The following KCNT2 variants were observed in gnomAD, a reference collection of about 807,000 sequenced individuals.
The protein encoded by KCNT2 is potassium channel subfamily T member 2.
KCNT2 carries 67 observed loss-of-function variants against 153.8 expected under a neutral mutation model. The ratio of observed to expected loss-of-function variants is 0.44; its 90% CI spans 0.36 to 0.53. The LOEUF is 0.53. Ranked by LOEUF, KCNT2 falls within the 20% of genes least tolerant of loss-of-function variation. The pLI, the probability that KCNT2 is intolerant of heterozygous loss-of-function variation, is 0.00. For synonymous variants in KCNT2, 500 were observed against 458.8 expected (o/e 1.09, Z -1.15); for missense variants, 975 against 1,354.8 (o/e 0.72, Z 4.40).
chr1:196,291,676 A>C (rs1660197741), intron 22 of KCNT2, among the ~76,000 whole-genome samples: 1 of 152,174 alleles, frequency 6.6e-6, no homozygotes, highest in East Asian at 1.9e-4. Context: ...ATTAGTCCAA[A>C]TCTGAACTAC....
At chr1:196,424,905 C>T (rs184940184) in intron 11 of KCNT2, among the ~76,000 whole-genome samples, 1 of 151,240 alleles carries the variant, frequency 6.6e-6, no homozygotes, top group Non-Finnish European at 1.5e-5. Flanking sequence ...CACTTGCACA[C>T]ACAGTGAAGA....
intron 21 of KCNT2, among the ~76,000 whole-genome samples, chr1:196,314,268 CTT>C: frequency 6.6e-6 from 1 of 151,496 alleles, no homozygotes. Context: ...CTAGGATCCT[CTT>C]TTATATAATT....
Position 196,435,133 on chromosome 1 carries a change from GTGTATGTATATATA to G in KCNT2, c.639-5390_639-5377del, listed in dbSNP as rs1249239578. Among the ~76,000 whole-genome samples, 13 of 87,886 alleles carry G rather than the reference GTGTATGTATATATA, an allele frequency of 1.5e-4. 1 individual carries two copies. Among genetic ancestry groups the G allele is most frequent in the African/African-American group, 5.3e-4 (13 of 24,380 alleles). 57.7% of individuals were successfully genotyped at this position (87,886 alleles called of 152,430 possible). A position where few individuals can be genotyped will look rare whatever the true frequency, so the allele number is the denominator to read the frequency against. On this transcript the variant is annotated intron_variant, in intron 8 of 27. Transcript: ENST00000294725. ...TAGCAATAGATACTTATGTGTGTGT[GTGTATGTATATATA>G]TATATATATATATATATATATATAT...
At chr1:196,265,048 T>C (rs1360367563) in intron 25 of KCNT2, among the ~76,000 whole-genome samples, 1 of 152,124 alleles carries the variant, frequency 6.6e-6, no homozygotes, top group Non-Finnish European at 1.5e-5. Context: ...GAAAGCCTCA[T>C]TATATGAGTT....
intron 14 of KCNT2, among the ~76,000 whole-genome samples, chr1:196,362,452 A>G (rs1259438113): frequency 6.6e-6 from 1 of 152,082 alleles, no homozygotes; most frequent in Non-Finnish European, 1.5e-5. Context: ...ATCTGAGTTC[A>G]TTAGCCTAAT....
At chr1:196,357,153 T>C (rs1389008126) in intron 14 of KCNT2, among the ~76,000 whole-genome samples, 2 of 151,920 alleles carry the variant, frequency 1.3e-5, no homozygotes, top group Non-Finnish European at 1.5e-5. Context: ...GTGTTTTGTT[T>C]ATTAGCTATA....
At position 196,608,234 on chromosome 1, in the gene KCNT2, C is replaced by T. The variant is rs865823739; in HGVS notation, c.76G>A (p.Gly26Arg). ...ACTCACCTGTCGTCGTTTTGCCATC[C>T]TTGGTCCCCTAGCAGCAAATCTCGA... is the stretch of plus-strand genomic sequence containing the variant. ...RFRDLLLGDQ[G>R]WQNDDRVQVE... The change falls in exon 1 of 28, where the codon GGA becomes AGA. Residue 26 changes from glycine (G) to arginine (R), a missense_variant. Gly to Arg is a moderately radical substitution (Grantham distance 125, BLOSUM62 -2). Around this residue, in one of 6 missense-constraint regions of KCNT2, gnomAD observed 140 missense variants for 216.0 expected, o/e 0.65. Transcript: ENST00000294725. The T allele has an allele frequency of 6.2e-7, 1 of 1,614,074 alleles. No homozygotes were observed. Among genetic ancestry groups the T allele is most frequent in the African/African-American group, 1.3e-5 (1 of 75,024 alleles).
rs1662359122 is a variant in KCNT2, at chr1:196,313,167, G to T, written c.2483+2725C>A. On this transcript the variant is annotated intron_variant, in intron 21 of 27. Coordinates refer to ENST00000294725, the MANE Select transcript of KCNT2 (RefSeq NM_198503.5). ...GGGAAAAAGCCCTCAGGTGACTAGGGTAAGTAAAAAGGTAGTAGGATCGGT... is the reference window on the plus strand; with the variant it reads ...GGGAAAAAGCCCTCAGGTGACTAGGTTAAGTAAAAAGGTAGTAGGATCGGT... Among the ~76,000 whole-genome samples the T allele has an allele frequency of 2.0e-5, 3 of 151,636 alleles. No homozygotes were observed. In the South Asian group the frequency reaches 6.2e-4, roughly 31 times the overall value.
intron 1 of KCNT2, among the ~76,000 whole-genome samples, chr1:196,513,126 T>G (rs1324955905): frequency 6.6e-6 from 1 of 152,216 alleles, no homozygotes; most frequent in Admixed American, 6.5e-5. Context: ...GAATTAGTTT[T>G]AAGTCACAGT....
chr1:196,591,349 G>A (rs1663343154), intron 1 of KCNT2, among the ~76,000 whole-genome samples: 1 of 152,072 alleles, frequency 6.6e-6, no homozygotes, highest in Admixed American at 6.5e-5. Flanking sequence ...TGCTTGCACA[G>A]CCTGAAGAAC....
At chr1:196,288,148 T>TA (rs889049591) in intron 22 of KCNT2, among the ~76,000 whole-genome samples, 1 of 151,194 alleles carries the variant, frequency 6.6e-6, no homozygotes, top group Admixed American at 6.6e-5. Context: ...AAATAAAAAA[T>TA]AAAAAAATAA....
chr1:196,573,917 A>G (rs1214974407), intron 1 of KCNT2, among the ~76,000 whole-genome samples: 2 of 151,950 alleles, frequency 1.3e-5, no homozygotes, highest in African/African-American at 4.8e-5. Flanking sequence ...TAATTAACTT[A>G]TAATAGTGTC....
At position 196,226,337 on chromosome 1, in the gene KCNT2, C is replaced by T. The variant is rs1488904755; in HGVS notation, c.*1887G>A. On this transcript the variant is annotated 3_prime_UTR_variant, in exon 28 of 28. Coordinates refer to ENST00000294725, the MANE Select transcript of KCNT2 (RefSeq NM_198503.5). ...CAAGTTCATAAAATTTATTGTTTTT[C>T]TCTGTTACATATATTAGTTCCATTC... 1 of 151,916 alleles carries T rather than the reference C, an allele frequency of 6.6e-6. No homozygotes were observed. The highest frequency in any genetic ancestry group is 1.9e-4 in the East Asian group (1 of 5,196). The allele number at this position is 151,916 out of a possible 1,614,324, so 9.4% of individuals were successfully genotyped here.
intron 25 of KCNT2, among the ~76,000 whole-genome samples, chr1:196,264,685 G>T (rs146944708): frequency 2.0e-5 from 3 of 151,442 alleles, no homozygotes; most frequent in Admixed American, 6.6e-5. Flanking sequence ...TAGGCTGGAG[G>T]GCAGTGGCAG....
intron 8 of KCNT2, among the ~76,000 whole-genome samples, chr1:196,436,392 CACAG>C (rs931906021): frequency 1.3e-5 from 2 of 151,042 alleles, no homozygotes; most frequent in Non-Finnish European, 3.0e-5. Flanking sequence ...CAGGTAGATA[CACAG>C]ACAGTTGATT....
At chr1:196,561,878 A>C (rs957818666) in intron 1 of KCNT2, among the ~76,000 whole-genome samples, 3 of 151,786 alleles carry the variant, frequency 2.0e-5, no homozygotes, top group Admixed American at 6.6e-5. Flanking sequence ...GTAAAGGAGG[A>C]GTCTCCAGGT....
chr1:196,437,364 TTA>T (rs1354868375), intron 8 of KCNT2, among the ~76,000 whole-genome samples: 2 of 139,842 alleles, frequency 1.4e-5, no homozygotes, highest in African/African-American at 5.2e-5. Context: ...ATATTTTTAT[TTA>T]TATATATTTT....
intron 25 of KCNT2, 108 bp from the exon 26 acceptor site, chr1:196,258,602 A>C (rs766192652): frequency 4.4e-6 from 4 of 910,946 alleles, no homozygotes; most frequent in Non-Finnish European, 6.7e-6. Flanking sequence ...TACTCAGGAG[A>C]GTTTTCACAG....
intron 1 of KCNT2, among the ~76,000 whole-genome samples, chr1:196,566,868 C>A (rs1194097510): frequency 6.6e-6 from 1 of 151,988 alleles, no homozygotes; most frequent in East Asian, 1.9e-4. Flanking sequence ...GTACTTTATT[C>A]TATTACAAGA....
Sources: allele counts gnomAD v4.1 joint callset (sites outside exome capture counted in the v4.1 genomes callset), GRCh38; gene constraint gnomAD v4.1.1; regional missense constraint gnomAD v4.1.1; transcripts MANE v1.5; gene names NCBI Gene and HGNC (gene_info 2026-07-23, HGNC 2026-07-21).